The following MSRA variants were observed in gnomAD, a reference collection of about 807,000 sequenced individuals.
MSRA encodes the protein methionine sulfoxide reductase A, also known as mitochondrial peptide methionine sulfoxide reductase.
Under a neutral mutation model 31.3 loss-of-function variants are expected in MSRA, and 54 were observed. The observed-to-expected ratio is 1.73, with a 90% CI of 1.39 to 2.17. The LOEUF (loss-of-function observed/expected upper bound fraction) is 2.17. Ranked by LOEUF, MSRA falls within the 30% of genes most tolerant of loss-of-function variation. MSRA has a pLI of 0.00. For synonymous variants in MSRA, 169 were observed against 116.5 expected (o/e 1.45, Z -2.90); for missense variants, 507 against 300.9 (o/e 1.69, Z -5.07).
chr8:10,283,896 CATTG>C (rs1370836678), intron 3 of MSRA, among the ~76,000 whole-genome samples: 2 of 141,798 alleles, frequency 1.4e-5, no homozygotes, highest in Admixed American at 7.3e-5. Context: ...TTTATCTACT[CATTG>C]ATTGATGGGC....
chr8:10,174,481 C>G (rs1805865602), intron 1 of MSRA, among the ~76,000 whole-genome samples: 1 of 152,104 alleles, frequency 6.6e-6, no homozygotes, highest in Admixed American at 6.5e-5. Context: ...TCTTGGTTCT[C>G]TTGCTGCGTC....
chr8:10,167,149 C>T (rs1033218292), intron 1 of MSRA, among the ~76,000 whole-genome samples: 2 of 152,146 alleles, frequency 1.3e-5, no homozygotes, highest in South Asian at 4.1e-4. Flanking sequence ...TCTCCCATGC[C>T]AGGAATTAAA....
At chr8:10,381,700 A>G (rs968768935) in intron 5 of MSRA, among the ~76,000 whole-genome samples, 1 of 152,200 alleles carries the variant, frequency 6.6e-6, no homozygotes, top group South Asian at 2.1e-4. Context: ...CTACTGCCCC[A>G]TAATGTCAGG....
intron 1 of MSRA, among the ~76,000 whole-genome samples, chr8:10,109,337 C>A (rs532859899): frequency 6.7e-6 from 1 of 148,976 alleles, no homozygotes; most frequent in Non-Finnish European, 1.5e-5. Context: ...CTTTTCTTTT[C>A]TTTTCTTTTT....
At chr8:10,094,775 C>G (rs1420117735) in intron 1 of MSRA, among the ~76,000 whole-genome samples, 6 of 152,184 alleles carry the variant, frequency 3.9e-5, no homozygotes, top group Non-Finnish European at 5.9e-5. Flanking sequence ...TAAAAGCAAA[C>G]AGTACTTATT....
At chr8:10,288,872 G>T (rs914978965) in intron 3 of MSRA, among the ~76,000 whole-genome samples, 5 of 152,088 alleles carry the variant, frequency 3.3e-5, no homozygotes, top group African/African-American at 1.2e-4. Flanking sequence ...TGTGCAGAAT[G>T]AATAGGCAAT....
chr8:10,300,100 T>C (rs1800759351), intron 3 of MSRA, among the ~76,000 whole-genome samples: 1 of 149,924 alleles, frequency 6.7e-6, no homozygotes, highest in Admixed American at 6.7e-5. Flanking sequence ...AAAAGCATGC[T>C]GTAATGAATG....
intron 1 of MSRA, among the ~76,000 whole-genome samples, chr8:10,180,016 TAATTC>T (rs1164327213): frequency 6.6e-6 from 1 of 152,202 alleles, no homozygotes. Flanking sequence ...GGGTGTCTAA[TAATTC>T]AATTCAATTC....
intron 1 of MSRA, among the ~76,000 whole-genome samples, chr8:10,076,870 G>T (rs1292726402): frequency 6.6e-6 from 1 of 151,990 alleles, no homozygotes; most frequent in Non-Finnish European, 1.5e-5. Flanking sequence ...AGGATGGGGG[G>T]CTGGGGAAGA....
chr8:10,315,020 C>T lies in MSRA; in HGVS notation c.437-4863C>T, dbSNP rs530916113. 7.9e-5 allele frequency among the ~76,000 whole-genome samples: 12 copies of T among 152,158 alleles called. No homozygotes were observed. The East Asian group carries it at 1.7e-3, about 22-fold the overall frequency. ...GAGCCTTCACAATTATGACCAAAGGCGAAGGAGGAGCAAAGGCACATCTTA... is the reference window on the plus strand; with the variant it reads ...GAGCCTTCACAATTATGACCAAAGGTGAAGGAGGAGCAAAGGCACATCTTA... On this transcript the variant is annotated intron_variant, in intron 4 of 5. Coordinates refer to ENST00000317173, the MANE Select transcript of MSRA (RefSeq NM_012331.5).
intron 1 of MSRA, among the ~76,000 whole-genome samples, chr8:10,142,057 C>T (rs764994325): frequency 1.3e-5 from 2 of 152,194 alleles, no homozygotes; most frequent in Non-Finnish European, 2.9e-5. Context: ...CTCCTGGGTT[C>T]AAGCGATTCT....
chr8:10,210,157 C>G (rs750338932), intron 2 of MSRA, among the ~76,000 whole-genome samples: 6 of 152,118 alleles, frequency 3.9e-5, no homozygotes, highest in Non-Finnish European at 5.9e-5. Flanking sequence ...GTGCTTGACT[C>G]TTTGGGATAC....
chr8:10,353,455 G>A (rs962721242), intron 5 of MSRA, among the ~76,000 whole-genome samples: 3 of 147,004 alleles, frequency 2.0e-5, no homozygotes, highest in Admixed American at 6.8e-5. Context: ...CTCCCACTTC[G>A]GCATCCGTGA....
intron 3 of MSRA, among the ~76,000 whole-genome samples, chr8:10,292,079 TG>T (rs1264530958): frequency 1.3e-5 from 2 of 152,234 alleles, no homozygotes; most frequent in African/African-American, 4.8e-5. Context: ...TCGCATTAGC[TG>T]TGTCTAATAC....
chr8:10,148,568 A>T (rs1178668951), intron 1 of MSRA, among the ~76,000 whole-genome samples: 2 of 151,758 alleles, frequency 1.3e-5, no homozygotes, highest in Non-Finnish European at 2.9e-5. Context: ...AATCTCTTGA[A>T]CCTGGGAGGC....
At chr8:10,380,342 G>A (rs577384456) in intron 5 of MSRA, among the ~76,000 whole-genome samples, 11 of 152,342 alleles carry the variant, frequency 7.2e-5, no homozygotes, top group East Asian at 5.8e-4. Context: ...GAGGCCTGGC[G>A]TTTGGGTAGA....
intron 5 of MSRA, among the ~76,000 whole-genome samples, chr8:10,325,271 C>CT (rs889085272): frequency 3.3e-5 from 5 of 152,062 alleles, no homozygotes; most frequent in Admixed American, 1.3e-4. Flanking sequence ...GTGCATCCTG[C>CT]TGCAGTCATA....
intron 1 of MSRA, among the ~76,000 whole-genome samples, chr8:10,075,319 T>C (rs1430492258): frequency 6.6e-6 from 1 of 152,202 alleles, no homozygotes; most frequent in Non-Finnish European, 1.5e-5. Flanking sequence ...ATAAAACTCT[T>C]TTAGTATAAT....
At chr8:10,194,333 GAGAC>G (rs1807788041) in intron 1 of MSRA, among the ~76,000 whole-genome samples, 1 of 152,128 alleles carries the variant, frequency 6.6e-6, no homozygotes, top group Non-Finnish European at 1.5e-5. Flanking sequence ...TTGGGAAGCC[GAGAC>G]AGGTGGATCA....
Sources: gnomAD v4.1 joint callset for allele counts (sites outside exome capture counted in the v4.1 genomes callset) on GRCh38, gnomAD v4.1.1 for gene constraint, MANE v1.5 for transcripts, NCBI Gene and HGNC (gene_info 2026-07-23, HGNC 2026-07-21) for gene names.